The following DNAH3 variants were observed in gnomAD, a reference collection of about 807,000 sequenced individuals.
The protein encoded by DNAH3 is dynein axonemal heavy chain 3.
In DNAH3, 332 loss-of-function variants were observed where a neutral mutation model predicts 432.5. That is an observed-to-expected ratio of 0.77 (90% CI 0.70 to 0.84). DNAH3 has a LOEUF of 0.84. Among genes scored for constraint, DNAH3 ranks in the 40% least tolerant of loss-of-function variants. The pLI is 0.00. For missense variants in DNAH3, 4,861 were observed against 5,114.0 expected, an observed-to-expected ratio of 0.95 and a Z score of 1.51; for synonymous variants, 1,956 against 1,900.2, an observed-to-expected ratio of 1.03 and a Z score of -0.76.
At chr16:21,048,537 G>C (rs1338729694) in intron 31 of DNAH3, among the ~76,000 whole-genome samples, 1 of 152,172 alleles carries the variant, frequency 6.6e-6, no homozygotes, top group Non-Finnish European at 1.5e-5. Flanking sequence ...GCTTCGGCTG[G>C]CGCACGGTGC....
At chr16:21,101,453 CA>C (rs2091835708) in intron 16 of DNAH3, among the ~76,000 whole-genome samples, 1 of 151,950 alleles carries the variant, frequency 6.6e-6, no homozygotes, top group African/African-American at 2.4e-5. Flanking sequence ...TAGAATAATA[CA>C]ATCATTAGCA....
chr16:20,964,793 T>G, exon 53 of DNAH3: 1 of 1,614,108 alleles, frequency 6.2e-7, no homozygotes, highest in Non-Finnish European at 8.5e-7. Context: ...GGGATGACCT[T>G]GTCCTTACAT....
In DNAH3 at chr16:20,948,700, G is replaced by A. The variant is rs918883335; in HGVS notation, c.11189-63C>T. 22 of 1,563,248 alleles carry A rather than the reference G, an allele frequency of 1.4e-5. No individual in the cohort carries two copies. The East Asian group carries it at 1.8e-4, about 13-fold the overall frequency. ...GAAGGTCATCACGAGCTTGGTGGTT[G>A]ATGTAAAACACGGCATTCTTCCGGC... On this transcript the variant is annotated intron_variant, in intron 56 of 61. Transcript: ENST00000261383.
At chr16:20,987,350 C>A in exon 47 of DNAH3, 1 of 1,614,094 alleles carries the variant, frequency 6.2e-7, no homozygotes, top group Non-Finnish European at 8.5e-7. Flanking sequence ...TTTCCTTCAC[C>A]ATGTTGAAAA....
chr16:20,972,885 C>T (rs576869530), intron 51 of DNAH3, among the ~76,000 whole-genome samples: 25 of 151,716 alleles, frequency 1.6e-4, no homozygotes, highest in Non-Finnish European at 3.4e-4. Flanking sequence ...CCCACCACCA[C>T]GCCCGGCTAA....
chr16:21,050,332 C>T (rs1567701157), intron 29 of DNAH3, among the ~76,000 whole-genome samples: 1 of 152,118 alleles, frequency 6.6e-6, no homozygotes, highest in Non-Finnish European at 1.5e-5. Context: ...TACATGCATA[C>T]CTATATAAAT....
At chr16:20,966,014 ATTTTTTTT>A (rs555983378) in intron 52 of DNAH3, among the ~76,000 whole-genome samples, 878 of 48,220 alleles carry the variant, frequency 0.018, 82 homozygotes, top group African/African-American at 0.025. Context: ...TGCCCAGCCA[ATTTTTTTT>A]TTTTTTTTTT....
intron 41 of DNAH3, among the ~76,000 whole-genome samples, chr16:21,007,545 T>C (rs2087371654): frequency 6.6e-6 from 1 of 152,174 alleles, no homozygotes; most frequent in South Asian, 2.1e-4. Context: ...ATTTTGCCCA[T>C]TTTATATAGT....
chr16:21,099,021 T>A (rs1379414846), intron 16 of DNAH3, among the ~76,000 whole-genome samples: 1 of 152,198 alleles, frequency 6.6e-6, no homozygotes, highest in East Asian at 1.9e-4. Context: ...GGTTAAACAT[T>A]TCCAGATATT....
At chr16:21,027,170 A>G (rs765100449) in intron 37 of DNAH3, 43 bp from the exon 38 acceptor site, 18 of 1,419,744 alleles carry the variant, frequency 1.3e-5, no homozygotes, top group Middle Eastern at 3.5e-4. Flanking sequence ...GGAAAGGCTT[A>G]AATTCCATCT....
At chr16:21,038,834 C>T (rs2089292987) in intron 33 of DNAH3, among the ~76,000 whole-genome samples, 1 of 152,204 alleles carries the variant, frequency 6.6e-6, no homozygotes, top group Non-Finnish European at 1.5e-5. Context: ...AGTTAAATGT[C>T]ATATGACTGA....
At chr16:21,058,668 T>C (rs2090223992) in intron 26 of DNAH3, among the ~76,000 whole-genome samples, 1 of 152,152 alleles carries the variant, frequency 6.6e-6, no homozygotes. Context: ...TACAAAAGAA[T>C]GAGTTCATGT....
chr16:20,934,192 T>C (rs1219545506), intron 61 of DNAH3, among the ~76,000 whole-genome samples: 1 of 152,180 alleles, frequency 6.6e-6, no homozygotes, highest in Non-Finnish European at 1.5e-5. Flanking sequence ...CTTTAAAAAA[T>C]TTTTATGGTG....
At position 21,040,358 on chromosome 16, in the gene DNAH3, A is replaced by ATCTTTTTT. The variant is rs771791969; in HGVS notation, c.4639-416_4639-415insAAAAAAGA. ...TCAGAAGAATCCCAAAGCCAGACAG[A>ATCTTTTTT]TTTTTTTTTTTTTTTTTTTTTTTTT... On this transcript the variant is annotated intron_variant, in intron 32 of 61. Coordinates refer to ENST00000261383, the Ensembl canonical transcript of DNAH3. Among the ~76,000 whole-genome samples, 638 of 79,738 alleles carry ATCTTTTTT rather than the reference A, an allele frequency of 8.0e-3. 124 individuals are homozygous for ATCTTTTTT. The highest frequency in any genetic ancestry group is 0.023 in the African/African-American group (404 of 17,750). 52.3% of individuals were successfully genotyped at this position (79,738 alleles called of 152,430 possible). A position where few individuals can be genotyped will look rare whatever the true frequency, so the allele number is the denominator to read the frequency against.
chr16:20,980,376 G>A (rs575711731), intron 49 of DNAH3, among the ~76,000 whole-genome samples: 5 of 121,590 alleles, frequency 4.1e-5, no homozygotes, highest in African/African-American at 1.4e-4. Flanking sequence ...ATATATATGT[G>A]GGGGGGGAGA....
At chr16:20,994,508 C>T (rs2086683485) in intron 44 of DNAH3, among the ~76,000 whole-genome samples, 2 of 151,848 alleles carry the variant, frequency 1.3e-5, no homozygotes, top group African/African-American at 4.8e-5. Context: ...TAAAATTGGC[C>T]ATTTTAACCA....
chr16:21,030,779 A>T (rs1412695598), intron 37 of DNAH3, among the ~76,000 whole-genome samples: 1 of 152,204 alleles, frequency 6.6e-6, no homozygotes, highest in Non-Finnish European at 1.5e-5. Context: ...GCTCAGTTGC[A>T]GGGCTAGGAG....
intron 20 of DNAH3, among the ~76,000 whole-genome samples, chr16:21,076,366 G>A (rs746509192): frequency 1.3e-5 from 2 of 152,090 alleles, no homozygotes; most frequent in Non-Finnish European, 2.9e-5. Context: ...CCTACAACTT[G>A]GCCTTGGACT....
At position 20,953,299 on chromosome 16, in the gene DNAH3, C is replaced by T. The variant is rs34725190; in HGVS notation, c.11072-750G>A. Among the ~76,000 whole-genome samples, 877 of 151,986 alleles carry T rather than the reference C, an allele frequency of 5.8e-3. 7 individuals carry two copies. The highest frequency in any genetic ancestry group is 9.1e-3 in the Non-Finnish European group (621 of 67,966). ...TCAGCCTCCTGAGTGGCTGGGATTA[C>T]AGGCACGTGCCACCACGCCCAGCTA... On this transcript the variant is annotated intron_variant, in intron 55 of 61. Coordinates refer to ENST00000261383, the Ensembl canonical transcript of DNAH3.
Sources: gnomAD v4.1 joint callset for allele counts (sites outside exome capture counted in the v4.1 genomes callset) on GRCh38, gnomAD v4.1.1 for gene constraint, MANE v1.5 for transcripts, NCBI Gene and HGNC (gene_info 2026-07-23, HGNC 2026-07-21) for gene names.